The following TENM1 variants were observed in gnomAD, a reference collection of about 807,000 sequenced individuals.
The protein encoded by TENM1 is teneurin-1.
TENM1 carries 35 observed loss-of-function variants against 174.8 expected under a neutral mutation model. The observed-to-expected ratio is 0.20, with a 90% CI of 0.15 to 0.27. The LOEUF (loss-of-function observed/expected upper bound fraction) is 0.27. Among genes scored for constraint, TENM1 ranks in the 10% least tolerant of loss-of-function variants. The probability of loss-of-function intolerance (pLI) is 1.00; values close to 1 mark genes in which losing one functional copy is unlikely to be tolerated. For missense variants in TENM1, 1,633 were observed against 2,130.1 expected (o/e 0.77, Z 4.59); for synonymous variants, 781 against 798.7 (o/e 0.98, Z 0.37).
the TENM1 span, among the ~76,000 whole-genome samples, chrX:124,988,599 A>G: frequency 3.6e-5 from 4 of 111,756 alleles, no homozygotes; most frequent in East Asian, 1.1e-3. Flanking sequence ...ACATCACAAG[A>G]AAAATAATTG....
At chrX:125,203,025 G>A in the TENM1 span, among the ~76,000 whole-genome samples, 2 of 112,079 alleles carry the variant, frequency 1.8e-5, no homozygotes, top group East Asian at 5.7e-4. Context: ...GGAGCGCATG[G>A]TTAAAGTCAA....
rs756763484 is a variant in TENM1 at position 124,731,436 on chromosome X, T to C, written c.776+5521A>G. The stretch of plus-strand genomic sequence containing the variant: ...CTATAATAAATGAATTAAAATTCTA[T>C]CCCAGAGTGGTCAGAGGTCTTGGAG... On this transcript the variant is annotated intron_variant, in intron 4 of 31. Coordinates refer to ENST00000422452, the Ensembl canonical transcript of TENM1. Among the ~76,000 whole-genome samples, 27 of 112,009 alleles carry C rather than the reference T, an allele frequency of 2.4e-4. No homozygotes were observed. In the East Asian group the frequency reaches 7.3e-3, roughly 30 times the overall value.
At chrX:124,882,572 A>G (rs1401396388) in intron 3 of TENM1, among the ~76,000 whole-genome samples, 4 of 112,103 alleles carry the variant, frequency 3.6e-5, no homozygotes, top group African/African-American at 1.3e-4. Flanking sequence ...TTGGCGGCAT[A>G]TATGTTTAGA....
chrX:124,712,627 G>A lies in TENM1; in HGVS notation c.777-7376C>T, dbSNP rs187810894. Reference sequence around the variant, plus strand: ...CTCCTGAGTAGCTGGGACTACAGGCGCTTGCCACCATGCCCAGCTAATTTT... The same window carrying A: ...CTCCTGAGTAGCTGGGACTACAGGCACTTGCCACCATGCCCAGCTAATTTT... On this transcript the variant is annotated intron_variant, in intron 4 of 31. Coordinates refer to ENST00000422452, the Ensembl canonical transcript of TENM1. 4.4e-3 allele frequency among the ~76,000 whole-genome samples: 486 copies of A among 110,115 alleles called. 2 individuals carry two copies. Among genetic ancestry groups the A allele is most frequent in the African/African-American group, 0.016 (472 of 30,244 alleles).
chrX:125,125,608 G>A, the TENM1 span, among the ~76,000 whole-genome samples: 34 of 111,883 alleles, frequency 3.0e-4, no homozygotes, highest in African/African-American at 9.7e-4. Flanking sequence ...TACAGACGCA[G>A]GCTTTGCTGC....
At chrX:124,989,179 T>G in the TENM1 span, among the ~76,000 whole-genome samples, 3 of 111,896 alleles carry the variant, frequency 2.7e-5, no homozygotes, top group Non-Finnish European at 5.7e-5. Context: ...GAGAATTAGC[T>G]ACTAGAACTA....
rs1939426525 is a variant in TENM1 at position 124,561,752 on chromosome X, C to T, written c.2353G>A (p.Val785Met). 5 of 1,211,413 alleles carry T rather than the reference C, an allele frequency of 4.1e-6. No individual in the cohort carries two copies. In the South Asian group the frequency reaches 7.0e-5, roughly 17 times the overall value. The change falls in exon 14 of 32, where the codon GTG becomes ATG. Residue 785 changes from valine (V) to methionine (M), a missense_variant. Physicochemically the swap from Val to Met is conservative, Grantham distance 21. Coordinates refer to ENST00000422452, the Ensembl canonical transcript of TENM1. Reference sequence around the variant, plus strand: ...GTCCCACTCCAACCCACCTGACACACACAGTGCCAACCATTTTGATCCAGG... The same window carrying T: ...GTCCCACTCCAACCCACCTGACACATACAGTGCCAACCATTTTGATCCAGG...
intron 2 of TENM1, among the ~76,000 whole-genome samples, chrX:124,894,730 A>T (rs1215114753): frequency 1.8e-5 from 2 of 111,409 alleles, no homozygotes; most frequent in Non-Finnish European, 3.8e-5. Context: ...ATAAGAGATC[A>T]CCTACCACCC....
chrX:125,177,933 A>G, the TENM1 span, among the ~76,000 whole-genome samples: 1 of 111,951 alleles, frequency 8.9e-6, no homozygotes, highest in Non-Finnish European at 1.9e-5. Flanking sequence ...TTTCTGGCAT[A>G]AAAGAATAAG....
chrX:124,468,340 T>A (rs2061262919), intron 22 of TENM1, among the ~76,000 whole-genome samples: 1 of 109,243 alleles, frequency 9.2e-6, no homozygotes, highest in Admixed American at 9.8e-5. Flanking sequence ...CACGCCTGGC[T>A]AATTCCTTTT....
At chrX:124,555,078 C>T (rs187176705) in intron 14 of TENM1, among the ~76,000 whole-genome samples, 9 of 111,713 alleles carry the variant, frequency 8.1e-5, no homozygotes, top group East Asian at 5.6e-4. Flanking sequence ...CTCCATAAGT[C>T]GAGTGAATGA....
chrX:125,041,419 G>C, the TENM1 span, among the ~76,000 whole-genome samples: 2 of 111,241 alleles, frequency 1.8e-5, no homozygotes, highest in East Asian at 5.7e-4. Flanking sequence ...AGCTTCCACA[G>C]AACCAGTAAC....
At chrX:125,074,465 A>T in the TENM1 span, among the ~76,000 whole-genome samples, 1 of 109,786 alleles carries the variant, frequency 9.1e-6, no homozygotes, top group East Asian at 2.9e-4. Context: ...TCAGCCTCTA[A>T]ATGGTTTGGA....
the TENM1 span, among the ~76,000 whole-genome samples, chrX:125,030,498 T>C: frequency 8.9e-6 from 1 of 112,433 alleles, no homozygotes; most frequent in East Asian, 2.8e-4. Context: ...ATTCTATAGT[T>C]TGTTAACTAC....
chrX:124,878,177 G>A (rs1038464508), intron 3 of TENM1, among the ~76,000 whole-genome samples: 2 of 110,768 alleles, frequency 1.8e-5, no homozygotes, highest in African/African-American at 6.6e-5. Flanking sequence ...TTTTACCTTG[G>A]GCCAAAATTT....
the TENM1 span, among the ~76,000 whole-genome samples, chrX:125,098,458 T>C: frequency 8.9e-6 from 1 of 111,780 alleles, no homozygotes; most frequent in Non-Finnish European, 1.9e-5. Context: ...GATGGATTGA[T>C]TGCGTTTGTA....
At chrX:124,446,119 A>G (rs944874492) in intron 23 of TENM1, among the ~76,000 whole-genome samples, 4 of 112,609 alleles carry the variant, frequency 3.6e-5, no homozygotes, top group Non-Finnish European at 7.5e-5. Context: ...CTGCCACTAA[A>G]CACACATTCT....
exon 25 of TENM1, chrX:124,420,321 T>C: frequency 8.3e-7 from 1 of 1,200,143 alleles, no homozygotes; most frequent in Non-Finnish European, 1.1e-6. Context: ...TCATAAACGG[T>C]TGTCCATCCA....
intron 11 of TENM1, among the ~76,000 whole-genome samples, chrX:124,605,119 C>T (rs1285044683): frequency 9.6e-6 from 1 of 104,471 alleles, no homozygotes; most frequent in African/African-American, 3.5e-5. Flanking sequence ...TTCAAATTTT[C>T]TTAGAAAAAT....
Sources: allele counts gnomAD v4.1 joint callset (sites outside exome capture counted in the v4.1 genomes callset), GRCh38; gene constraint gnomAD v4.1.1; transcripts MANE v1.5; gene names NCBI Gene and HGNC (gene_info 2026-07-23, HGNC 2026-07-21).